Variants in RP1L1 observed in about 807,000 individuals in gnomAD.
RP1L1 encodes the protein retinitis pigmentosa 1-like 1 protein.
Under a neutral mutation model 15.7 loss-of-function variants are expected in RP1L1, and 27 were observed. That is an observed-to-expected ratio of 1.72 (90% CI 1.27 to 2.38). RP1L1 has a LOEUF of 2.38. RP1L1 is among the 30% of genes most tolerant of loss of function. The pLI is 0.00. For missense variants in RP1L1, 4,798 were observed against 3,075.9 expected (o/e 1.56, Z -13.24); for synonymous variants, 1,813 against 1,276.7 (o/e 1.42, Z -8.96).
chr8:10,618,516 G>C (rs920416383), intron 2 of RP1L1, among the ~76,000 whole-genome samples: 2 of 151,866 alleles, frequency 1.3e-5, no homozygotes, highest in African/African-American at 4.8e-5. Flanking sequence ...CAAAAACAAA[G>C]AGCAAACAAA....
At chr8:10,635,666 C>T (rs750541663) in intron 1 of RP1L1, among the ~76,000 whole-genome samples, 5 of 152,228 alleles carry the variant, frequency 3.3e-5, no homozygotes, top group African/African-American at 4.8e-5. Flanking sequence ...TTCTTTCCTT[C>T]CCTCGTGACA....
rs1798098843 is a variant in RP1L1, at chr8:10,623,147, G to A, written c.55C>T (p.Pro19Ser). ...ACCGAGGGGGTGCGAGCCACAGAGG[G>A]CAGGAAGCACTCACGGTGGCTCGGG... ...QAPSHRECFL[P>S]SVARTPSVTK... Residue 19 changes from proline to serine, a missense_variant, in exon 2 of 4, where the codon CCC becomes TCC. Physicochemically the swap from Pro to Ser is moderately conservative, Grantham distance 74. Coordinates refer to ENST00000382483, the MANE Select transcript of RP1L1 (RefSeq NM_178857.6). The A allele has an allele frequency of 6.2e-7, 1 of 1,602,658 alleles. No homozygotes were observed. The highest frequency in any genetic ancestry group is 1.1e-5 in the South Asian group (1 of 89,058).
At chr8:10,646,951 T>C (rs916479083) in intron 1 of RP1L1, among the ~76,000 whole-genome samples, 3 of 152,206 alleles carry the variant, frequency 2.0e-5, no homozygotes, top group African/African-American at 7.2e-5. Flanking sequence ...GTCAGCTTCC[T>C]TGGGGGTCGC....
At chr8:10,635,671 G>A (rs991994893) in intron 1 of RP1L1, among the ~76,000 whole-genome samples, 2 of 152,160 alleles carry the variant, frequency 1.3e-5, no homozygotes, top group Admixed American at 6.5e-5. Flanking sequence ...TCCTTCCCTC[G>A]TGACACAGAG....
intron 1 of RP1L1, among the ~76,000 whole-genome samples, chr8:10,635,532 G>C (rs1041580389): frequency 2.0e-5 from 3 of 152,176 alleles, no homozygotes; most frequent in African/African-American, 7.2e-5. Flanking sequence ...CTGAGACTGG[G>C]CATGGTCACG....
intron 1 of RP1L1, among the ~76,000 whole-genome samples, chr8:10,646,423 T>G (rs1306895138): frequency 1.3e-5 from 2 of 152,094 alleles, no homozygotes; most frequent in Non-Finnish European, 2.9e-5. Context: ...TTAGGAGCCG[T>G]TTAGGCATCC....
At chr8:10,628,653 G>C (rs1798194623) in intron 1 of RP1L1, among the ~76,000 whole-genome samples, 1 of 152,170 alleles carries the variant, frequency 6.6e-6, no homozygotes, top group African/African-American at 2.4e-5. Context: ...TCACGTTCCT[G>C]AATATAGACT....
chr8:10,624,272 T>C (rs1232784027), intron 1 of RP1L1, among the ~76,000 whole-genome samples: 5 of 152,172 alleles, frequency 3.3e-5, no homozygotes, highest in Non-Finnish European at 7.4e-5. Context: ...ATGCAACCAT[T>C]AGTAGGACAT....
intron 3 of RP1L1, among the ~76,000 whole-genome samples, chr8:10,614,222 C>T (rs768002206): frequency 1.6e-4 from 24 of 152,272 alleles, no homozygotes; most frequent in Admixed American, 8.5e-4. Context: ...GGTGATTTAT[C>T]ACCCTAAGCC....
In RP1L1 at chr8:10,612,421, T is replaced by C; in HGVS notation, c.1677A>G (p.Ala559=). The change falls in exon 4 of 4, where the codon GCA becomes GCG. Residue 559 remains alanine (A), a synonymous_variant. Transcript: ENST00000382483. The part of the protein sequence containing the change: ...GGRPQGCPGK[A]RAETSQQEAS... Reference sequence around the variant, plus strand: ...CCTCCTGCTGAGAGGTCTCGGCCCTTGCCTTGCCTGGACAGCCCTGGGGCC... The same window carrying C: ...CCTCCTGCTGAGAGGTCTCGGCCCTCGCCTTGCCTGGACAGCCCTGGGGCC... The C allele has an allele frequency of 1.2e-6, 2 of 1,612,710 alleles. No homozygotes were observed. The highest frequency in any genetic ancestry group is 1.3e-5 in the African/African-American group (1 of 75,054).
rs762164148 is a variant in RP1L1, at chr8:10,612,847, T to A, written c.1251A>T (p.Gly417=). ...ACCTCTTCCGAGCTGCCACTCTCTC[T>A]CCCTGGGAGGCATGCAGGGGATTCG... ...IWTNPLHASQ[G]ERVAARKRWG... Residue 417 remains glycine (G), a synonymous_variant, in exon 4 of 4, where the codon GGA becomes GGT. Transcript: ENST00000382483. The A allele has an allele frequency of 4.3e-6, 7 of 1,612,764 alleles. No individual in the cohort carries two copies. Among genetic ancestry groups the A allele is most frequent in the South Asian group, 3.3e-5 (3 of 91,080 alleles).
At position 10,609,265 on chromosome 8, in the gene RP1L1, C is replaced by G. The variant is rs1177833131; in HGVS notation, c.4833G>C (p.Arg1611=). Residue 1611 remains arginine, a synonymous_variant, in exon 4 of 4, where the codon CGG becomes CGC. Coordinates refer to ENST00000382483, the MANE Select transcript of RP1L1 (RefSeq NM_178857.6). ...LQTQQRRHRL[R]GLRNLSAFSE... ...AGAAGGCCGAGAGGTTTCGCAGGCC[C>G]CGGAGACGGTGTCTGCGCTGCTGGG... 1.7e-5 allele frequency: 28 copies of G among 1,609,196 alleles called. No homozygotes were observed. Among genetic ancestry groups the G allele is most frequent in the Non-Finnish European group, 2.4e-5 (28 of 1,179,692 alleles).
At position 10,609,803 on chromosome 8, in the gene RP1L1, G is replaced by A. The variant is rs755100921; in HGVS notation, c.4295C>T (p.Ala1432Val). Residue 1432 changes from alanine (A) to valine (V), a missense_variant, in exon 4 of 4, where the codon GCA (alanine) becomes GTA (valine). By Grantham distance (64) the Ala-to-Val change is moderately conservative. Coordinates refer to ENST00000382483, the MANE Select transcript of RP1L1 (RefSeq NM_178857.6). ...CTCTGCAGAGGCAGAGGCTCTTCCT[G>A]CTTCCTCCTCCTGGACTGGGTCATC... ...QEDDPVQEEE[A>V]GRASASAEPC... 2 of 1,614,026 alleles carry A rather than the reference G, an allele frequency of 1.2e-6. No individual in the cohort carries two copies. The highest frequency in any genetic ancestry group is 1.1e-5 in the South Asian group (1 of 91,090).
chr8:10,653,906 G>A (rs575383592), intron 1 of RP1L1, among the ~76,000 whole-genome samples: 17 of 152,282 alleles, frequency 1.1e-4, no homozygotes, highest in African/African-American at 4.1e-4. Flanking sequence ...GAGTCCTGGT[G>A]CCCTCCCGCG....
intron 1 of RP1L1, among the ~76,000 whole-genome samples, chr8:10,653,854 G>A (rs28463918): frequency 0.12 from 18,666 of 152,204 alleles, 1,270 homozygotes; most frequent in South Asian, 0.21. Context: ...TGTTCTCACT[G>A]TCTGAGATGC....
chr8:10,610,098 C>G lies in RP1L1; in HGVS notation c.4000G>C (p.Glu1334Gln), dbSNP rs1394295406. 17 of 1,477,474 alleles carry G rather than the reference C, an allele frequency of 1.2e-5. 3 individuals are homozygous for G. The East Asian group carries it at 1.5e-4, about 13-fold the overall frequency. The allele number at this position is 1,477,474 out of a possible 1,614,324, so 91.5% of individuals were successfully genotyped here. ...ETKTEEGLQE[E>Q]GVQLEETKET... Reference sequence around the variant, plus strand: ...TTAGTTTCCTCTAACTGCACCCCCTCTTCTTGCAGCCCTTCTTCTGTTTTA... The same window carrying G: ...TTAGTTTCCTCTAACTGCACCCCCTGTTCTTGCAGCCCTTCTTCTGTTTTA... Residue 1334 changes from glutamate (E) to glutamine (Q), a missense_variant, in exon 4 of 4, where the codon GAG (glutamate) becomes CAG (glutamine). Transcript: ENST00000382483.
rs764107696 is a variant in RP1L1 at position 10,610,024 on chromosome 8, T to C, written c.4074A>G (p.Glu1358=). Reference sequence around the variant, plus strand: ...GCCCTTCTCCTCCTGTTTCTTCAATTTCCTCTAACTGCGCCTCTTCTTCTT... The same window carrying C: ...GCCCTTCTCCTCCTGTTTCTTCAATCTCCTCTAACTGCGCCTCTTCTTCTT... ...GQQEEEAQLE[E]IEETGGEGLQ... The change falls in exon 4 of 4, where the codon GAA becomes GAG. Residue 1358 remains glutamate (E), a synonymous_variant. Coordinates refer to ENST00000382483, the MANE Select transcript of RP1L1 (RefSeq NM_178857.6). 4.7e-6 allele frequency: 7 copies of C among 1,488,692 alleles called. 1 individual carries two copies. The African/African-American group carries it at 7.1e-5, about 15-fold the overall frequency. 92.2% of individuals were successfully genotyped at this position (1,488,692 alleles called of 1,614,324 possible).
Position 10,648,078 on chromosome 8 carries a change from C to T in RP1L1, c.-20+6820G>A, listed in dbSNP as rs564878345. Among the ~76,000 whole-genome samples the T allele has an allele frequency of 3.9e-4, 59 of 151,914 alleles. No individual in the cohort carries two copies. The South Asian group carries it at 0.012, about 31-fold the overall frequency. On this transcript the variant is annotated intron_variant, in intron 1 of 3. Transcript: ENST00000382483. ...ACAGAGTCTCACTCCGTTGTCCAGG[C>T]TGGAGTGCAGTGGCGCCATCTCGGC...
In RP1L1 at chr8:10,609,756, C is replaced by T. The variant is rs748013679; in HGVS notation, c.4342G>A (p.Glu1448Lys). 15 of 1,613,490 alleles carry T rather than the reference C, an allele frequency of 9.3e-6. No individual in the cohort carries two copies. The highest frequency in any genetic ancestry group is 6.7e-5 in the African/African-American group (5 of 74,932). The change falls in exon 4 of 4, where the codon GAG becomes AAG. Residue 1448 changes from glutamate (E) to lysine (K), a missense_variant. By Grantham distance (56) the Glu-to-Lys change is moderately conservative. Coordinates refer to ENST00000382483, the MANE Select transcript of RP1L1 (RefSeq NM_178857.6). ...SAEPCPAEGTEEPTEPPSHLS... is the reference protein window; with the variant it reads ...SAEPCPAEGTKEPTEPPSHLS... ...TGACTAGGGGGCTCTGTGGGTTCCT[C>T]TGTGCCCTCTGCGGGGCACGGCTCT...
Sources: allele counts gnomAD v4.1 joint callset (sites outside exome capture counted in the v4.1 genomes callset), GRCh38; gene constraint gnomAD v4.1.1; transcripts MANE v1.5; gene names NCBI Gene and HGNC (gene_info 2026-07-23, HGNC 2026-07-21).